PHEX: variants seen among roughly 807,000 people sequenced by gnomAD.
PHEX encodes phosphate-regulating neutral endopeptidase PHEX.
PHEX carries 16 observed loss-of-function variants against 68.0 expected under a neutral mutation model. That is an observed-to-expected ratio of 0.24 (90% CI 0.16 to 0.36). PHEX has a LOEUF of 0.36. Among genes scored for constraint, PHEX ranks in the 10% least tolerant of loss-of-function variants. The pLI is 1.00. For synonymous variants in PHEX, 208 were observed against 205.1 expected (o/e 1.01, Z -0.12); for missense variants, 480 against 575.5 (o/e 0.83, Z 1.70).
At chrX:22,171,583 A>T (rs1933533073) in intron 13 of PHEX, 1 of 109,545 alleles carries the variant, frequency 9.1e-6, no homozygotes, top group African/African-American at 3.3e-5. Context: ...CCCTTCTGTG[A>T]CCCTAGACAC....
chrX:22,144,053 A>G (rs2147097037), intron 12 of PHEX, among the ~76,000 whole-genome samples: 1 of 111,777 alleles, frequency 8.9e-6, no homozygotes, highest in African/African-American at 3.2e-5. Context: ...AACACTAGCT[A>G]TGGGACCTCA....
At chrX:22,053,390 C>A (rs1046405274) in intron 3 of PHEX, among the ~76,000 whole-genome samples, 3 of 111,761 alleles carry the variant, frequency 2.7e-5, no homozygotes, top group African/African-American at 9.7e-5. Flanking sequence ...TGAAAAATTG[C>A]CCTCTACTGA....
At position 22,142,752 on chromosome X, in the gene PHEX, G is replaced by T. The variant is rs138266533; in HGVS notation, c.1404+9128G>T. Among the ~76,000 whole-genome samples the T allele has an allele frequency of 5.8e-3, 653 of 112,485 alleles. 7 individuals are homozygous for T. The highest frequency in any genetic ancestry group is 0.021 in the African/African-American group (640 of 31,063). On this transcript the variant is annotated intron_variant, in intron 12 of 21. Transcript: ENST00000379374. Reference sequence around the variant, plus strand: ...CTTTGGACAAACTCCATGGAACTATGATTTAAATTCTCCCTTTTGCCTGCA... The same window carrying T: ...CTTTGGACAAACTCCATGGAACTATTATTTAAATTCTCCCTTTTGCCTGCA...
intron 11 of PHEX, among the ~76,000 whole-genome samples, chrX:22,116,902 C>T (rs1364311705): frequency 9.0e-6 from 1 of 110,869 alleles, no homozygotes; most frequent in Non-Finnish European, 1.9e-5. Flanking sequence ...TAGGATTAAA[C>T]AAGTTTTATT....
intron 15 of PHEX, among the ~76,000 whole-genome samples, chrX:22,197,658 G>A (rs1934409637): frequency 9.0e-6 from 1 of 111,436 alleles, no homozygotes; most frequent in Admixed American, 9.6e-5. Flanking sequence ...CAAATAAGCT[G>A]TTTCCAAACT....
At chrX:22,043,506 G>T (rs1358658385) in intron 2 of PHEX, among the ~76,000 whole-genome samples, 1 of 110,649 alleles carries the variant, frequency 9.0e-6, no homozygotes, top group Non-Finnish European at 1.9e-5. Context: ...TAAATCACCT[G>T]CCTAAGGTGT....
chrX:22,099,149 G>A lies in PHEX; in HGVS notation c.1077G>A (p.Lys359=), dbSNP rs774349246. 8.3e-7 allele frequency: 1 copy of A among 1,206,003 alleles called. No homozygotes were observed. Among genetic ancestry groups the A allele is most frequent in the South Asian group, 1.8e-5 (1 of 56,869 alleles). ...DLFRILGSER[K]KTIANYLVWR... is the part of the protein sequence containing the mutation. ...TTAGGATATTAGGGTCTGAGAGAAA[G>A]AAGTAAGAACTTTCACATGAATTTT... Residue 359 remains lysine (K), a splice_region_variant and synonymous_variant, in exon 9 of 22, where the codon AAG becomes AAA. Transcript: ENST00000379374.
chrX:22,103,798 C>T (rs1930538956), intron 9 of PHEX, among the ~76,000 whole-genome samples: 1 of 112,084 alleles, frequency 8.9e-6, no homozygotes, highest in African/African-American at 3.2e-5. Flanking sequence ...TGTATAATGA[C>T]TTCTTTTCCT....
At chrX:22,039,752 G>A (rs1927189710) in intron 2 of PHEX, among the ~76,000 whole-genome samples, 1 of 111,685 alleles carries the variant, frequency 9.0e-6, no homozygotes, top group Non-Finnish European at 1.9e-5. Flanking sequence ...GTCCAGTCTG[G>A]ACCTAAGCCT....
chrX:22,241,314 A>G (rs1449626352), intron 20 of PHEX, among the ~76,000 whole-genome samples: 2 of 112,420 alleles, frequency 1.8e-5, no homozygotes, highest in East Asian at 5.6e-4. Flanking sequence ...AATGCCCACA[A>G]GAGAAAGCAG....
At chrX:22,149,067 A>C in intron 12 of PHEX, among the ~76,000 whole-genome samples, 1 of 111,815 alleles carries the variant, frequency 8.9e-6, no homozygotes, top group East Asian at 2.8e-4. Context: ...TTAGTAAATA[A>C]GTTTACTTTC....
At chrX:22,181,983 A>G (rs7880720) in intron 14 of PHEX, among the ~76,000 whole-genome samples, 5,322 of 111,508 alleles carry the variant, frequency 0.048, 309 homozygotes, top group African/African-American at 0.16. Context: ...TAGAACCTTT[A>G]GGTTTTTCCA....
intron 3 of PHEX, among the ~76,000 whole-genome samples, chrX:22,055,768 C>T (rs1011480226): frequency 9.0e-6 from 1 of 111,713 alleles, no homozygotes; most frequent in African/African-American, 3.3e-5. Flanking sequence ...GCCGTGTTGG[C>T]CAGGCTGGTC....
chrX:22,223,927 T>G, intron 18 of PHEX, among the ~76,000 whole-genome samples: 1 of 112,611 alleles, frequency 8.9e-6, no homozygotes, highest in South Asian at 3.7e-4. Context: ...TGCGAGCAGT[T>G]TACTTCATCA....
At chrX:22,176,173 G>A (rs1485151461) in intron 13 of PHEX, among the ~76,000 whole-genome samples, 1 of 110,510 alleles carries the variant, frequency 9.0e-6, no homozygotes, top group Admixed American at 9.7e-5. Flanking sequence ...GATCACTTGA[G>A]TCCAGGAATT....
intron 20 of PHEX, among the ~76,000 whole-genome samples, chrX:22,236,932 T>TTTTTGTAAACTAAAGA (rs1193727419): frequency 1.8e-5 from 2 of 112,521 alleles, no homozygotes; most frequent in Admixed American, 9.4e-5. Context: ...TATAGCTGAC[T>TTTTTGTAAACTAAAGA]GATTTATTGT....
At chrX:22,217,364 T>C (rs1935128132) in intron 16 of PHEX, among the ~76,000 whole-genome samples, 1 of 112,558 alleles carries the variant, frequency 8.9e-6, no homozygotes, top group Admixed American at 9.4e-5. Context: ...AAATGCAAAT[T>C]ACCTTACAGG....
At chrX:22,227,479 G>C in intron 19 of PHEX, 28 bp from the exon 20 acceptor site, 1 of 1,037,531 alleles carries the variant, frequency 9.6e-7, no homozygotes, top group Non-Finnish European at 1.4e-6. Flanking sequence ...CCGTTGCAGA[G>C]ACTCATCTCT....
At chrX:22,216,762 C>A (rs1410902754) in intron 16 of PHEX, among the ~76,000 whole-genome samples, 1 of 110,455 alleles carries the variant, frequency 9.1e-6, no homozygotes, top group Non-Finnish European at 1.9e-5. Context: ...CCAGGTAATC[C>A]ACCCGCCTCG....
Sources: gnomAD v4.1 joint callset for allele counts (sites outside exome capture counted in the v4.1 genomes callset) on GRCh38, gnomAD v4.1.1 for gene constraint, MANE v1.5 for transcripts, NCBI Gene and HGNC (gene_info 2026-07-23, HGNC 2026-07-21) for gene names.